The following ARHGAP21 variants were observed in gnomAD, a reference collection of about 807,000 sequenced individuals.
ARHGAP21 encodes the protein rho GTPase-activating protein 21.
ARHGAP21 carries 38 observed loss-of-function variants against 164.6 expected under a neutral mutation model. That is an observed-to-expected ratio of 0.23 (90% CI 0.18 to 0.30). The LOEUF (loss-of-function observed/expected upper bound fraction) is 0.30. ARHGAP21 is among the 10% of genes least tolerant of loss of function. The pLI, the probability that ARHGAP21 is intolerant of heterozygous loss-of-function variation, is 1.00. For synonymous variants in ARHGAP21, 766 were observed against 857.9 expected, an observed-to-expected ratio of 0.89 and a Z score of 1.87; for missense variants, 1,822 against 2,370.7, an observed-to-expected ratio of 0.77 and a Z score of 4.81.
At chr10:24,633,672 T>C (rs1214899021) in intron 5 of ARHGAP21, among the ~76,000 whole-genome samples, 192 bp from the exon 6 acceptor site, 1 of 152,094 alleles carries the variant, frequency 6.6e-6, no homozygotes, top group Admixed American at 6.5e-5. Flanking sequence ...CTTATTACTT[T>C]TAAAGTTTTT....
At position 24,631,984 on chromosome 10, in the gene ARHGAP21, A is replaced by G. The variant is rs12569582; in HGVS notation, c.440+1418T>C. On this transcript the variant is annotated intron_variant, in intron 6 of 25. Transcript: ENST00000396432. ...GATCGGCCCACCTCAGCCTCCTAAA[A>G]TGCTGGGATTACAGGCATGAGCCAC... Among the ~76,000 whole-genome samples, 231 of 152,192 alleles carry G rather than the reference A, an allele frequency of 1.5e-3. 5 individuals carry two copies. The East Asian group carries it at 0.038, about 25-fold the overall frequency.
intron 9 of ARHGAP21, among the ~76,000 whole-genome samples, chr10:24,611,719 A>G (rs947219928): frequency 6.6e-6 from 1 of 152,090 alleles, no homozygotes; most frequent in African/African-American, 2.4e-5. Flanking sequence ...AAAAGAAAAA[A>G]GAAGGAAAAA....
chr10:24,607,134 G>C (rs1223876426), intron 11 of ARHGAP21, among the ~76,000 whole-genome samples: 1 of 152,114 alleles, frequency 6.6e-6, no homozygotes, highest in African/African-American at 2.4e-5. Context: ...TGTGTCATTT[G>C]TTTGTAAAAA....
intron 2 of ARHGAP21, among the ~76,000 whole-genome samples, chr10:24,711,090 T>C (rs12356538): frequency 1.4e-3 from 47 of 34,434 alleles, no homozygotes; most frequent in Non-Finnish European, 1.6e-3. Flanking sequence ...CAAGACTCCA[T>C]CTCAAAAAAA....
chr10:24,702,013 C>CT (rs970710681), intron 2 of ARHGAP21, among the ~76,000 whole-genome samples: 6 of 151,930 alleles, frequency 3.9e-5, no homozygotes, highest in Non-Finnish European at 8.8e-5. Context: ...TAATGCACAA[C>CT]TTCTTGTATC....
At chr10:24,686,673 A>T (rs1842240639) in intron 2 of ARHGAP21, among the ~76,000 whole-genome samples, 2 of 152,148 alleles carry the variant, frequency 1.3e-5, no homozygotes, top group African/African-American at 4.8e-5. Flanking sequence ...GAGCTGTTTA[A>T]ATTTTTTCCT....
chr10:24,633,244 C>T (rs1836013624), intron 6 of ARHGAP21, among the ~76,000 whole-genome samples, 158 bp downstream of exon 6: 1 of 152,142 alleles, frequency 6.6e-6, no homozygotes, highest in Admixed American at 6.5e-5. Context: ...CCTCAGATAG[C>T]TGGTCCTTGG....
chr10:24,709,711 G>T (rs1372616529), intron 2 of ARHGAP21, among the ~76,000 whole-genome samples: 1 of 151,250 alleles, frequency 6.6e-6, no homozygotes. Flanking sequence ...TGCACTGCAG[G>T]CTGGGTGACA....
At chr10:24,720,875 AATT>A (rs1845855563) in intron 2 of ARHGAP21, among the ~76,000 whole-genome samples, 1 of 152,148 alleles carries the variant, frequency 6.6e-6, no homozygotes, top group Admixed American at 6.6e-5. Context: ...TCAAAAGTAA[AATT>A]TAAAGGATAA....
chr10:24,640,562 T>C (rs1418711738), intron 4 of ARHGAP21, among the ~76,000 whole-genome samples: 1 of 152,072 alleles, frequency 6.6e-6, no homozygotes, highest in Non-Finnish European at 1.5e-5. Flanking sequence ...GCAAGAAGTA[T>C]ACCCTCCAGA....
At chr10:24,710,285 AATAG>A (rs1451264788) in intron 2 of ARHGAP21, among the ~76,000 whole-genome samples, 3 of 152,176 alleles carry the variant, frequency 2.0e-5, no homozygotes, top group African/African-American at 7.2e-5. Flanking sequence ...TTCTAGAGAT[AATAG>A]ATATTCTCCC....
intron 24 of ARHGAP21, chr10:24,590,447 A>G: frequency 6.5e-7 from 1 of 1,535,376 alleles, no homozygotes; most frequent in Non-Finnish European, 8.7e-7. Flanking sequence ...TCCACTAGTG[A>G]CATTACCGTG....
chr10:24,656,398 C>G (rs1347078068), intron 4 of ARHGAP21, among the ~76,000 whole-genome samples: 16 of 94,092 alleles, frequency 1.7e-4, no homozygotes, highest in African/African-American at 6.6e-4. Context: ...GTGGGGGGGT[C>G]AGCCCTCCGC....
In ARHGAP21 at chr10:24,602,062, T is replaced by C; in HGVS notation, c.2763A>G (p.Arg921=). 6.2e-7 allele frequency: 1 copy of C among 1,613,330 alleles called. No homozygotes were observed. The highest frequency in any genetic ancestry group is 8.5e-7 in the Non-Finnish European group (1 of 1,179,908). Reference sequence around the variant, plus strand: ...TGAAGACCTCTGAGGAAGAATCTTTTCTGGACCCAGAGTCTTCTGATGACT... The same window carrying C: ...TGAAGACCTCTGAGGAAGAATCTTTCCTGGACCCAGAGTCTTCTGATGACT... The part of the protein sequence containing the change: ...SQKSSEDSGS[R]KDSSSEVFSD... The change falls in exon 13 of 26, where the codon AGA becomes AGG. Residue 921 remains arginine, a synonymous_variant. Transcript: ENST00000396432.
At chr10:24,597,009 T>C (rs1286286535) in intron 16 of ARHGAP21, 127 bp from the exon 17 acceptor site, 2 of 984,712 alleles carry the variant, frequency 2.0e-6, no homozygotes, top group East Asian at 6.0e-5. Flanking sequence ...ATACATCCTA[T>C]ATTTAACAAA....
chr10:24,596,649 T>C (rs771097514), intron 17 of ARHGAP21, 91 bp downstream of exon 17: 137 of 1,546,258 alleles, frequency 8.9e-5, no homozygotes, highest in Non-Finnish European at 1.1e-4. Flanking sequence ...ATTGACAGTC[T>C]CTGTTGTCTG....
chr10:24,644,493 A>G (rs543215018), intron 4 of ARHGAP21, among the ~76,000 whole-genome samples: 2 of 152,236 alleles, frequency 1.3e-5, no homozygotes, highest in South Asian at 2.1e-4. Context: ...TTATGTTCCA[A>G]CCCACTTCTA....
intron 12 of ARHGAP21, among the ~76,000 whole-genome samples, chr10:24,602,431 G>A (rs1282155291): frequency 9.9e-5 from 15 of 152,174 alleles, no homozygotes; most frequent in Non-Finnish European, 4.4e-5. Flanking sequence ...CTGAGAAGCA[G>A]CTAGAACCTG....
intron 4 of ARHGAP21, among the ~76,000 whole-genome samples, chr10:24,656,149 T>A (rs1838849314): frequency 1.5e-5 from 2 of 129,496 alleles, no homozygotes; most frequent in South Asian, 2.5e-4. Flanking sequence ...AGCCACCCCG[T>A]CCGGGAGGGA....
Sources: allele counts gnomAD v4.1 joint callset (sites outside exome capture counted in the v4.1 genomes callset), GRCh38; gene constraint gnomAD v4.1.1; transcripts MANE v1.5; gene names NCBI Gene and HGNC (gene_info 2026-07-23, HGNC 2026-07-21).